CACNG4: variants seen among roughly 807,000 people sequenced by gnomAD.
CACNG4 encodes the protein calcium voltage-gated channel auxiliary subunit gamma 4, also known as voltage-dependent calcium channel gamma-4 subunit.
Under a neutral mutation model 22.9 loss-of-function variants are expected in CACNG4, and 8 were observed. The ratio of observed to expected loss-of-function variants is 0.35; its 90% CI spans 0.21 to 0.63. The LOEUF (loss-of-function observed/expected upper bound fraction) is 0.63. CACNG4 is among the 30% of genes least tolerant of loss of function. The pLI is 0.72. For missense variants in CACNG4, 357 were observed against 455.4 expected (o/e 0.78, Z 1.97); for synonymous variants, 188 against 191.9 (o/e 0.98, Z 0.17).
chr17:66,976,325 CCTCT>C (rs890828610), intron 1 of CACNG4, among the ~76,000 whole-genome samples: 19 of 151,928 alleles, frequency 1.3e-4, no homozygotes, highest in African/African-American at 2.4e-4. Flanking sequence ...CTCCCTCCTC[CCTCT>C]GTCTTTCCTC....
At chr17:66,973,255 G>A (rs556583134) in intron 1 of CACNG4, among the ~76,000 whole-genome samples, 8 of 147,898 alleles carry the variant, frequency 5.4e-5, no homozygotes, top group Admixed American at 2.7e-4. Flanking sequence ...AAAAAAAAGC[G>A]AAAGCACATG....
rs145603510 is a variant in CACNG4, at chr17:67,029,775, A to G, written c.446-691A>G. Reference sequence around the variant, plus strand: ...TTAGGGAGAGCTGGATGAGGAGTATATGAAACTCTCTGGACCTGGCTACTG... The same window carrying G: ...TTAGGGAGAGCTGGATGAGGAGTATGTGAAACTCTCTGGACCTGGCTACTG... On this transcript the variant is annotated intron_variant, in intron 3 of 3. Coordinates refer to ENST00000262138, the MANE Select transcript of CACNG4 (RefSeq NM_014405.4). Among the ~76,000 whole-genome samples, 197 of 152,378 alleles carry G rather than the reference A, an allele frequency of 1.3e-3. 1 individual carries two copies. Among genetic ancestry groups the G allele is most frequent in the African/African-American group, 4.4e-3 (182 of 41,590 alleles).
chr17:66,996,403 A>G (rs564004265), intron 1 of CACNG4, among the ~76,000 whole-genome samples: 41 of 140,414 alleles, frequency 2.9e-4, no homozygotes, highest in Non-Finnish European at 5.3e-4. Context: ...TTTTTTAGAC[A>G]GGGTCTCGCT....
rs2035603099 is a variant in CACNG4, at chr17:67,031,100, C to T, written c.*96C>T. 2 of 1,385,190 alleles carry T rather than the reference C, an allele frequency of 1.4e-6. No individual in the cohort carries two copies. The highest frequency in any genetic ancestry group is 2.0e-5 in the Admixed American group (1 of 48,856). The allele number at this position is 1,385,190 out of a possible 1,614,324, so 85.8% of individuals were successfully genotyped here. A position where few individuals can be genotyped will look rare whatever the true frequency, so the allele number is the denominator to read the frequency against. ...GATCCTCAAGACGACGAACAATGAA[C>T]TAAAGCCAAATGCAGCCCTCCCTGG... On this transcript the variant is annotated 3_prime_UTR_variant, in exon 4 of 4. Coordinates refer to ENST00000262138, the MANE Select transcript of CACNG4 (RefSeq NM_014405.4). The surrounding 1 kb of genome is among the most constrained non-coding windows in gnomAD (Gnocchi z 4.0).
intron 1 of CACNG4, among the ~76,000 whole-genome samples, chr17:66,980,485 T>A (rs928281234): frequency 1.2e-4 from 18 of 152,214 alleles, no homozygotes; most frequent in African/African-American, 2.9e-4. Flanking sequence ...CTTGCTTTTT[T>A]AAATTATTTC....
At chr17:66,982,387 G>A (rs892449400) in intron 1 of CACNG4, among the ~76,000 whole-genome samples, 6 of 152,076 alleles carry the variant, frequency 3.9e-5, no homozygotes, top group African/African-American at 9.7e-5. Flanking sequence ...GCCACAGAGT[G>A]CTGATTGGTG....
intron 1 of CACNG4, among the ~76,000 whole-genome samples, chr17:67,016,269 G>C (rs2035496921): frequency 6.6e-6 from 1 of 152,126 alleles, no homozygotes; most frequent in East Asian, 1.9e-4. Context: ...CGTTGTTCAT[G>C]CTGGATCCTA....
At chr17:67,028,190 G>C (rs975343574) in intron 3 of CACNG4, among the ~76,000 whole-genome samples, 1 of 152,186 alleles carries the variant, frequency 6.6e-6, no homozygotes, top group Non-Finnish European at 1.5e-5. Flanking sequence ...TTCCACACAG[G>C]GTGGGTGCCA....
intron 1 of CACNG4, among the ~76,000 whole-genome samples, chr17:67,009,188 C>T (rs1028380096): frequency 6.6e-6 from 1 of 152,124 alleles, no homozygotes; most frequent in African/African-American, 2.4e-5. Context: ...AGGAACCAAC[C>T]CCATCAACAC....
intron 1 of CACNG4, among the ~76,000 whole-genome samples, chr17:66,991,334 A>C (rs2035339135): frequency 6.7e-6 from 1 of 149,418 alleles, no homozygotes; most frequent in South Asian, 2.1e-4. Context: ...ACAAACAAAC[A>C]AACAAAAAAA....
chr17:66,993,899 G>C (rs932951310), intron 1 of CACNG4, among the ~76,000 whole-genome samples: 9 of 152,082 alleles, frequency 5.9e-5, no homozygotes, highest in Non-Finnish European at 1.2e-4. Context: ...GATTACAGGC[G>C]TGAGCCATCA....
chr17:67,024,205 GC>G (rs143426754), intron 2 of CACNG4, among the ~76,000 whole-genome samples: 2 of 152,308 alleles, frequency 1.3e-5, no homozygotes, highest in East Asian at 3.9e-4. Context: ...TCACCTAGGG[GC>G]TGATGATGAT....
At chr17:66,983,668 C>T (rs946428229) in intron 1 of CACNG4, among the ~76,000 whole-genome samples, 4 of 152,174 alleles carry the variant, frequency 2.6e-5, no homozygotes, top group African/African-American at 7.2e-5. Flanking sequence ...GGGCACTCTC[C>T]GCAAAGAAGG....
At chr17:66,988,035 T>G (rs565543084) in intron 1 of CACNG4, among the ~76,000 whole-genome samples, 74 of 149,112 alleles carry the variant, frequency 5.0e-4, no homozygotes, top group Middle Eastern at 3.5e-3. Context: ...TACATCCTTT[T>G]TGTGTGTGTG....
intron 2 of CACNG4, among the ~76,000 whole-genome samples, 198 bp from the exon 3 acceptor site, chr17:67,024,662 C>T (rs571822507): frequency 6.6e-6 from 1 of 152,330 alleles, no homozygotes; most frequent in Non-Finnish European, 1.5e-5. Flanking sequence ...AGGCCCGGAG[C>T]CCCCACTTGC....
At chr17:67,018,367 G>A in intron 2 of CACNG4, 95 bp downstream of exon 2, 1 of 884,756 alleles carries the variant, frequency 1.1e-6, no homozygotes, top group Non-Finnish European at 1.9e-6. Context: ...CATGGAGAGG[G>A]TGATTGTCTT....
At chr17:67,016,084 G>A (rs1439282411) in intron 1 of CACNG4, among the ~76,000 whole-genome samples, 1 of 152,052 alleles carries the variant, frequency 6.6e-6, no homozygotes, top group Non-Finnish European at 1.5e-5. Flanking sequence ...GCGAGGGTGG[G>A]TCATTTCTAG....
At chr17:67,014,520 G>C (rs921403145) in intron 1 of CACNG4, among the ~76,000 whole-genome samples, 1 of 152,188 alleles carries the variant, frequency 6.6e-6, no homozygotes, top group South Asian at 2.1e-4. Context: ...GTGCCAATGT[G>C]GTTTGAGCTG....
rs137940365 is a variant in CACNG4 at position 66,997,132 on chromosome 17, A to G, written c.221-21057A>G. Reference sequence around the variant, plus strand: ...GTGATGGTGCTGTGGTCAAAGTCCTATGTCACCAGATTGTCCTGGCAGGTG... The same window carrying G: ...GTGATGGTGCTGTGGTCAAAGTCCTGTGTCACCAGATTGTCCTGGCAGGTG... On this transcript the variant is annotated intron_variant, in intron 1 of 3. Coordinates refer to ENST00000262138, the MANE Select transcript of CACNG4 (RefSeq NM_014405.4). 2.3e-4 allele frequency among the ~76,000 whole-genome samples: 35 copies of G among 152,226 alleles called. 1 individual carries two copies. The highest frequency in any genetic ancestry group is 2.0e-3 in the Admixed American group (30 of 15,290).
Sources: gnomAD v4.1 joint callset for allele counts (sites outside exome capture counted in the v4.1 genomes callset) on GRCh38, gnomAD v4.1.1 for gene constraint, Gnocchi (gnomAD v3.1) non-coding constraint, MANE v1.5 for transcripts, NCBI Gene and HGNC (gene_info 2026-07-23, HGNC 2026-07-21) for gene names.